ZBTB20: variants seen among roughly 807,000 people sequenced by gnomAD.
The protein encoded by ZBTB20 is zinc finger and BTB domain containing 20.
A neutral mutation model predicts 56.9 loss-of-function variants in ZBTB20; 9 were observed. The ratio of observed to expected loss-of-function variants is 0.16; its 90% CI spans 0.10 to 0.28. ZBTB20 has a LOEUF of 0.28. Ranked by LOEUF, ZBTB20 falls within the 10% of genes least tolerant of loss-of-function variation. The pLI is 1.00. For synonymous variants in ZBTB20, 417 were observed against 420.7 expected (o/e 0.99, Z 0.11); for missense variants, 655 against 1,003.0 (o/e 0.65, Z 4.69).
intron 6 of ZBTB20, among the ~76,000 whole-genome samples, chr3:114,588,412 G>A (rs2055399802): frequency 6.6e-6 from 1 of 152,174 alleles, no homozygotes; most frequent in Admixed American, 6.5e-5. Flanking sequence ...AACATTATGT[G>A]TGGAATGGCT....
intron 7 of ZBTB20, among the ~76,000 whole-genome samples, chr3:114,460,649 G>GA (rs1338644051): frequency 2.0e-5 from 3 of 152,172 alleles, no homozygotes; most frequent in Non-Finnish European, 2.9e-5. Context: ...CAGTGAAACT[G>GA]ATTTGAGACT....
chr3:115,057,931 G>T (rs964302896), intron 2 of ZBTB20, among the ~76,000 whole-genome samples: 13 of 152,094 alleles, frequency 8.5e-5, no homozygotes, highest in Admixed American at 1.3e-4. Flanking sequence ...GCACAGCTGG[G>T]GTGGCCTCAG....
chr3:114,787,412 CGT>C (rs1175124504), intron 5 of ZBTB20, among the ~76,000 whole-genome samples: 87 of 133,918 alleles, frequency 6.5e-4, no homozygotes, highest in African/African-American at 2.5e-3. Context: ...CATATATATA[CGT>C]GTGTACACAT....
At chr3:114,934,703 T>G (rs1182293098) in intron 3 of ZBTB20, among the ~76,000 whole-genome samples, 1 of 152,122 alleles carries the variant, frequency 6.6e-6, no homozygotes, top group African/African-American at 2.4e-5. Flanking sequence ...TCTTCTAAAT[T>G]TGCATATAGT....
intron 6 of ZBTB20, among the ~76,000 whole-genome samples, chr3:114,579,640 A>G (rs190229719): frequency 1.4e-4 from 21 of 151,752 alleles, no homozygotes; most frequent in African/African-American, 5.1e-4. Context: ...CAGAATCAAA[A>G]GCCAGTTTTT....
intron 5 of ZBTB20, among the ~76,000 whole-genome samples, chr3:114,706,224 T>A (rs2063708681): frequency 6.6e-6 from 1 of 152,126 alleles, no homozygotes; most frequent in Non-Finnish European, 1.5e-5. Flanking sequence ...TAAAACCACC[T>A]ATTTTGCAGG....
At chr3:114,834,198 A>G (rs2074004126) in intron 4 of ZBTB20, among the ~76,000 whole-genome samples, 1 of 152,176 alleles carries the variant, frequency 6.6e-6, no homozygotes, top group African/African-American at 2.4e-5. Context: ...TTTATATCTT[A>G]AAAAGTTAAA....
intron 4 of ZBTB20, among the ~76,000 whole-genome samples, chr3:114,812,895 A>G (rs1037926697): frequency 6.0e-5 from 9 of 150,660 alleles, no homozygotes; most frequent in Admixed American, 6.6e-5. Context: ...CTGCTGGCCC[A>G]GGTGCTAAGC....
chr3:114,738,560 T>C (rs1263314188), intron 5 of ZBTB20, among the ~76,000 whole-genome samples: 1 of 152,212 alleles, frequency 6.6e-6, no homozygotes, highest in Non-Finnish European at 1.5e-5. Context: ...TTAGGTCAAA[T>C]GTCACACTTC....
chr3:114,840,730 A>G (rs1486730680), intron 4 of ZBTB20, among the ~76,000 whole-genome samples: 1 of 152,202 alleles, frequency 6.6e-6, no homozygotes, highest in Admixed American at 6.5e-5. Context: ...TATCCCTGAC[A>G]TTAAAACAGA....
intron 6 of ZBTB20, among the ~76,000 whole-genome samples, chr3:114,644,979 C>T (rs901946396): frequency 2.0e-5 from 3 of 151,710 alleles, no homozygotes; most frequent in African/African-American, 7.3e-5. Context: ...TGTATAGTCC[C>T]TAAGGATAAT....
chr3:114,831,314 T>C (rs779380195), intron 4 of ZBTB20, among the ~76,000 whole-genome samples: 1 of 151,802 alleles, frequency 6.6e-6, no homozygotes, highest in Non-Finnish European at 1.5e-5. Flanking sequence ...CCAGACTGCC[T>C]GGGTTCAAAT....
chr3:114,369,505 G>C (rs1241152605), intron 10 of ZBTB20, among the ~76,000 whole-genome samples: 1 of 152,136 alleles, frequency 6.6e-6, no homozygotes, highest in African/African-American at 2.4e-5. Flanking sequence ...TCCTTATTTA[G>C]TTTTACAGGT....
chr3:115,046,411 T>C (rs2081335206), intron 2 of ZBTB20, among the ~76,000 whole-genome samples: 1 of 152,156 alleles, frequency 6.6e-6, no homozygotes, highest in Non-Finnish European at 1.5e-5. Context: ...ATCAATTCCT[T>C]TCCCCCAAAA....
At chr3:115,004,275 C>G (rs2079376594) in intron 2 of ZBTB20, among the ~76,000 whole-genome samples, 1 of 151,636 alleles carries the variant, frequency 6.6e-6, no homozygotes, top group Non-Finnish European at 1.5e-5. Context: ...CAAAAGAGTA[C>G]AGAAAGGTAC....
chr3:114,544,015 A>G (rs2049426179), intron 6 of ZBTB20, among the ~76,000 whole-genome samples: 1 of 152,202 alleles, frequency 6.6e-6, no homozygotes. Flanking sequence ...CTATTCATTG[A>G]GCACCTACTA....
At chr3:114,906,865 A>G (rs1213796532) in intron 3 of ZBTB20, among the ~76,000 whole-genome samples, 1 of 151,748 alleles carries the variant, frequency 6.6e-6, no homozygotes, top group Non-Finnish European at 1.5e-5. Flanking sequence ...GAGTAGCGAG[A>G]ATTTCACAGC....
intron 1 of ZBTB20, among the ~76,000 whole-genome samples, chr3:115,127,141 T>C (rs1297367118): frequency 6.6e-6 from 1 of 152,202 alleles, no homozygotes; most frequent in Non-Finnish European, 1.5e-5. Context: ...AAAAAATCTA[T>C]GTTATCTATC....
intron 6 of ZBTB20, among the ~76,000 whole-genome samples, chr3:114,511,450 A>G (rs969290259): frequency 3.3e-5 from 5 of 152,012 alleles, no homozygotes; most frequent in Non-Finnish European, 5.9e-5. Context: ...ATCCCATCTT[A>G]GGCAAACTAT....
Sources: gnomAD v4.1 joint callset for allele counts (sites outside exome capture counted in the v4.1 genomes callset) on GRCh38, gnomAD v4.1.1 for gene constraint, MANE v1.5 for transcripts, NCBI Gene and HGNC (gene_info 2026-07-23, HGNC 2026-07-21) for gene names.